KHDRBS2: variants seen among roughly 807,000 people sequenced by gnomAD.
KHDRBS2 encodes KH domain-containing, RNA-binding, signal transduction-associated protein 2.
A neutral mutation model predicts 44.3 loss-of-function variants in KHDRBS2; 26 were observed. The ratio of observed to expected loss-of-function variants is 0.59; its 90% CI spans 0.43 to 0.81. The LOEUF is 0.81. Among genes scored for constraint, KHDRBS2 ranks in the 40% least tolerant of loss-of-function variants. The pLI is 0.00. For missense variants in KHDRBS2, 476 were observed against 433.1 expected (o/e 1.10, Z -0.88); for synonymous variants, 194 against 151.1 (o/e 1.28, Z -2.08).
At chr6:62,242,979 A>AT (rs745508023) in intron 1 of KHDRBS2, among the ~76,000 whole-genome samples, 2 of 152,098 alleles carry the variant, frequency 1.3e-5, no homozygotes, top group Non-Finnish European at 2.9e-5. Flanking sequence ...TACTCAGATC[A>AT]TTTTTTGCAG....
the KHDRBS2 span, among the ~76,000 whole-genome samples, chr6:61,618,542 G>A: frequency 5.3e-5 from 8 of 152,140 alleles, no homozygotes; most frequent in Admixed American, 1.3e-4. Context: ...ATGGGGGTTC[G>A]TTGTACAGAT....
At chr6:61,577,444 T>C in the KHDRBS2 span, among the ~76,000 whole-genome samples, 1 of 152,180 alleles carries the variant, frequency 6.6e-6, no homozygotes, top group Non-Finnish European at 1.5e-5. Flanking sequence ...CACAATGCTA[T>C]TTTAGGGTCA....
At chr6:61,915,140 C>T (rs1215615535) in intron 4 of KHDRBS2, among the ~76,000 whole-genome samples, 1 of 151,968 alleles carries the variant, frequency 6.6e-6, no homozygotes, top group Non-Finnish European at 1.5e-5. Flanking sequence ...TGAGTCCTCA[C>T]AAGAAGGCAT....
chr6:62,083,665 T>A (rs1438198699), intron 2 of KHDRBS2, among the ~76,000 whole-genome samples: 1 of 152,162 alleles, frequency 6.6e-6, no homozygotes, highest in Non-Finnish European at 1.5e-5. Flanking sequence ...CCCACTCACC[T>A]GCATGCTCCA....
At chr6:61,576,411 AC>A in the KHDRBS2 span, among the ~76,000 whole-genome samples, 1 of 152,126 alleles carries the variant, frequency 6.6e-6, no homozygotes, top group Non-Finnish European at 1.5e-5. Context: ...TAGAAATGCT[AC>A]AGATTTTGTA....
chr6:61,574,473 C>A, the KHDRBS2 span: 6 of 1,252,872 alleles, frequency 4.8e-6, no homozygotes, highest in Non-Finnish European at 4.3e-6. Flanking sequence ...AGCCCACAGG[C>A]TCTAACCTAC....
At chr6:61,637,551 T>C in the KHDRBS2 span, among the ~76,000 whole-genome samples, 1 of 152,156 alleles carries the variant, frequency 6.6e-6, no homozygotes, top group African/African-American at 2.4e-5. Context: ...ATATACCCAG[T>C]AATGGGATGG....
At chr6:62,088,400 C>A (rs752565981) in intron 2 of KHDRBS2, among the ~76,000 whole-genome samples, 6 of 152,090 alleles carry the variant, frequency 3.9e-5, no homozygotes, top group Non-Finnish European at 8.8e-5. Context: ...TCATTCTTTT[C>A]GTTGATGGTG....
At chr6:62,060,755 A>T (rs1791628444) in intron 2 of KHDRBS2, among the ~76,000 whole-genome samples, 1 of 151,774 alleles carries the variant, frequency 6.6e-6, no homozygotes, top group Admixed American at 6.6e-5. Context: ...TCTATTGAAG[A>T]AAACACTTGA....
chr6:61,552,951 G>T, the KHDRBS2 span, among the ~76,000 whole-genome samples: 1 of 151,836 alleles, frequency 6.6e-6, no homozygotes, highest in African/African-American at 2.4e-5. Flanking sequence ...GTACTGGCCT[G>T]ACCTGTTATT....
At chr6:61,822,062 T>A (rs1269378683) in intron 6 of KHDRBS2, among the ~76,000 whole-genome samples, 2 of 152,032 alleles carry the variant, frequency 1.3e-5, no homozygotes, top group African/African-American at 4.8e-5. Context: ...CAAAATTACC[T>A]GATTCATTTC....
At chr6:62,220,704 T>C (rs1416207680) in intron 1 of KHDRBS2, among the ~76,000 whole-genome samples, 2 of 151,610 alleles carry the variant, frequency 1.3e-5, no homozygotes, top group East Asian at 1.9e-4. Context: ...AACATAGAGA[T>C]TTATAACACA....
At chr6:61,974,858 G>A (rs765523339) in intron 4 of KHDRBS2, among the ~76,000 whole-genome samples, 10 of 152,000 alleles carry the variant, frequency 6.6e-5, no homozygotes, top group Non-Finnish European at 1.2e-4. Context: ...TTGAACCCAG[G>A]AGGTGGAGGT....
intron 1 of KHDRBS2, among the ~76,000 whole-genome samples, chr6:62,179,388 C>T (rs1201903680): frequency 1.3e-5 from 2 of 151,670 alleles, no homozygotes; most frequent in Non-Finnish European, 3.0e-5. Flanking sequence ...ATTAACAAGC[C>T]ACTTTAACTA....
chr6:62,005,503 C>T (rs2127263376), intron 3 of KHDRBS2, among the ~76,000 whole-genome samples: 1 of 151,632 alleles, frequency 6.6e-6, no homozygotes, highest in South Asian at 2.1e-4. Context: ...ATATGAATTT[C>T]CCTTGTAGAA....
the KHDRBS2 span, among the ~76,000 whole-genome samples, chr6:61,596,932 G>A: frequency 4.6e-5 from 7 of 152,172 alleles, no homozygotes; most frequent in South Asian, 2.1e-4. Context: ...TTACAGGTGT[G>A]AGCCACCGTG....
chr6:61,848,572 TATAC>T (rs1475444863), intron 6 of KHDRBS2, among the ~76,000 whole-genome samples: 874 of 70,876 alleles, frequency 0.012, 57 homozygotes, highest in African/African-American at 0.029. Context: ...TGTATATATA[TATAC>T]ATATATATAT....
At chr6:61,948,058 C>T (rs1763965034) in intron 4 of KHDRBS2, among the ~76,000 whole-genome samples, 1 of 151,614 alleles carries the variant, frequency 6.6e-6, no homozygotes, top group Admixed American at 6.6e-5. Flanking sequence ...TAATAATTCA[C>T]CTAAGGACAA....
chr6:61,554,475 C>G, the KHDRBS2 span, among the ~76,000 whole-genome samples: 1 of 152,020 alleles, frequency 6.6e-6, no homozygotes, highest in East Asian at 1.9e-4. Flanking sequence ...TCAATCTACA[C>G]CTTTCAATTT....
Sources: gnomAD v4.1 joint callset for allele counts (sites outside exome capture counted in the v4.1 genomes callset) on GRCh38, gnomAD v4.1.1 for gene constraint, MANE v1.5 for transcripts, NCBI Gene and HGNC (gene_info 2026-07-23, HGNC 2026-07-21) for gene names.